Variants in SLC26A9 observed in about 807,000 individuals in gnomAD.
The protein encoded by SLC26A9 is anion transporter/exchanger protein 9.
In SLC26A9, 46 loss-of-function variants were observed where a neutral mutation model predicts 87.1. The observed-to-expected ratio is 0.53, with a 90% confidence interval of 0.42 to 0.67. The LOEUF (loss-of-function observed/expected upper bound fraction) is 0.67. SLC26A9 is among the 30% of genes least tolerant of loss of function. SLC26A9 has a pLI of 0.00. For synonymous variants in SLC26A9, 437 were observed against 409.1 expected, an observed-to-expected ratio of 1.07 and a Z score of -0.82; for missense variants, 927 against 1,018.3, an observed-to-expected ratio of 0.91 and a Z score of 1.22.
intron 1 of SLC26A9, among the ~76,000 whole-genome samples, chr1:205,942,500 G>A (rs1255130582): frequency 2.0e-5 from 3 of 152,182 alleles, no homozygotes; most frequent in Non-Finnish European, 2.9e-5. Context: ...AGTGTAAGGG[G>A]GCAGTTGATG....
chr1:205,938,470 A>T (rs923280687), intron 1 of SLC26A9, among the ~76,000 whole-genome samples: 3 of 152,020 alleles, frequency 2.0e-5, no homozygotes, highest in Non-Finnish European at 4.4e-5. Context: ...TTCCAGGAGG[A>T]TGAGGCCCAA....
intron 13 of SLC26A9, 99 bp from the exon 14 acceptor site, chr1:205,923,712 G>A: frequency 7.5e-7 from 1 of 1,330,676 alleles, no homozygotes; most frequent in Non-Finnish European, 1.1e-6. Context: ...AAGGTAGGAT[G>A]GGGTCCTGTC....
intron 6 of SLC26A9, 52 bp downstream of exon 6, chr1:205,929,840 A>C (rs1459861226): frequency 1.2e-5 from 18 of 1,536,982 alleles, no homozygotes; most frequent in Middle Eastern, 3.5e-4. Context: ...CATCCTCCTC[A>C]TGTGTCTGCT....
At chr1:205,919,950 C>A (rs1420678214) in intron 18 of SLC26A9, among the ~76,000 whole-genome samples, 1 of 152,156 alleles carries the variant, frequency 6.6e-6, no homozygotes, top group Non-Finnish European at 1.5e-5. Flanking sequence ...TCTGTAACTC[C>A]ATGACCTCCT....
intron 7 of SLC26A9, 64 bp downstream of exon 7, chr1:205,929,140 G>T: frequency 6.3e-7 from 1 of 1,575,356 alleles, no homozygotes; most frequent in Non-Finnish European, 8.6e-7. Flanking sequence ...GGTGAGGAAA[G>T]GTAGGGGCTT....
At chr1:205,918,432 G>C (rs1454509772) in intron 19 of SLC26A9, among the ~76,000 whole-genome samples, 1 of 152,136 alleles carries the variant, frequency 6.6e-6, no homozygotes, top group Non-Finnish European at 1.5e-5. Context: ...AAAATGGGTA[G>C]GCTTACTCCC....
intron 12 of SLC26A9, among the ~76,000 whole-genome samples, chr1:205,925,884 G>A (rs575361181): frequency 2.0e-5 from 3 of 152,330 alleles, no homozygotes; most frequent in South Asian, 4.1e-4. Flanking sequence ...TATGCCCAGC[G>A]GATGATGCGG....
Position 205,920,175 on chromosome 1 carries a change from C to T in SLC26A9, c.2110+1G>A. On this transcript the variant is annotated splice_donor_variant, in intron 18 of 20. Transcript: ENST00000367135. LOFTEE classifies it high-confidence loss of function. ...GTCCCTAAATGTCCTCTTTCTCTTA[C>T]CATGGATGTTCACCAAGAAGACCTT... is the stretch of plus-strand genomic sequence containing the variant. The T allele has an allele frequency of 6.2e-7, 1 of 1,613,910 alleles. No individual in the cohort carries two copies. The highest frequency in any genetic ancestry group is 8.5e-7 in the Non-Finnish European group (1 of 1,179,816).
At chr1:205,915,876 C>T (rs57455787) in intron 20 of SLC26A9, among the ~76,000 whole-genome samples, 3,057 of 152,286 alleles carry the variant, frequency 0.02, 92 homozygotes, top group African/African-American at 0.07. Context: ...ATCTGTCCCA[C>T]CTGCCATCAG....
At chr1:205,926,161 C>T (rs1558123399) in intron 12 of SLC26A9, among the ~76,000 whole-genome samples, 1 of 151,962 alleles carries the variant, frequency 6.6e-6, no homozygotes, top group African/African-American at 2.4e-5. Context: ...AGCTGTATGT[C>T]ATAAAGTAGT....
In SLC26A9 at chr1:205,924,503, G is replaced by C; in HGVS notation, c.1390-14C>G. ...TACCCAGATGCACTGTGAAAAGAGA[G>C]ATGTCAAAAGCAGACCTGGGGAAAA... On this transcript the variant is annotated splice_polypyrimidine_tract_variant and intron_variant, in intron 12 of 20. Coordinates refer to ENST00000367135, the MANE Select transcript of SLC26A9 (RefSeq NM_052934.4). 1 of 1,613,090 alleles carries C rather than the reference G, an allele frequency of 6.2e-7. No homozygotes were observed. Among genetic ancestry groups the C allele is most frequent in the Non-Finnish European group, 8.5e-7 (1 of 1,179,300 alleles).
chr1:205,928,809 T>G lies in SLC26A9; in HGVS notation c.953+18A>C. 6.2e-7 allele frequency: 1 copy of G among 1,613,880 alleles called. No homozygotes were observed. Among genetic ancestry groups the G allele is most frequent in the Non-Finnish European group, 8.5e-7 (1 of 1,179,768 alleles). ...ATGAGGTGCGGGTGGGCCAGGCTTCTGGGCCACCTGGACTCACCCGCGTTG... is the reference window on the plus strand; with the variant it reads ...ATGAGGTGCGGGTGGGCCAGGCTTCGGGGCCACCTGGACTCACCCGCGTTG... On this transcript the variant is annotated intron_variant, in intron 8 of 20. Transcript: ENST00000367135.
chr1:205,933,562 A>G (rs1219021422), intron 2 of SLC26A9, among the ~76,000 whole-genome samples: 1 of 152,180 alleles, frequency 6.6e-6, no homozygotes, highest in East Asian at 1.9e-4. Context: ...CAAGAAGTCT[A>G]GCTCTCCTGT....
intron 18 of SLC26A9, 145 bp from the exon 19 acceptor site, chr1:205,919,130 G>A: frequency 9.9e-7 from 1 of 1,009,192 alleles, no homozygotes. Flanking sequence ...GGCATTGGCA[G>A]TGCAATATCA....
At chr1:205,928,083 G>T (rs1461718700) in intron 8 of SLC26A9, 34 bp from the exon 9 acceptor site, 5 of 1,602,740 alleles carry the variant, frequency 3.1e-6, no homozygotes, top group Non-Finnish European at 4.3e-6. Flanking sequence ...CAGAACCCAA[G>T]GGTGTGAGTG....
At chr1:205,924,746 CAT>C in intron 12 of SLC26A9, 1 of 434,382 alleles carries the variant, frequency 2.3e-6, no homozygotes, top group Non-Finnish European at 4.2e-6. Context: ...AGGGAGGTGG[CAT>C]CTATAAGAGC....
chr1:205,938,757 C>T (rs537283357), intron 1 of SLC26A9, among the ~76,000 whole-genome samples: 1 of 152,240 alleles, frequency 6.6e-6, no homozygotes, highest in South Asian at 2.1e-4. Context: ...GCCTATGAAG[C>T]CTTTCCTGAC....
chr1:205,918,043 G>T (rs1000714141), intron 19 of SLC26A9, among the ~76,000 whole-genome samples: 6 of 152,212 alleles, frequency 3.9e-5, no homozygotes, highest in African/African-American at 1.4e-4. Flanking sequence ...ACTTAGAACA[G>T]ATGGTTTCAC....
At position 205,924,505 on chromosome 1, in the gene SLC26A9, T is replaced by C. The variant is rs768254607; in HGVS notation, c.1390-16A>G. On this transcript the variant is annotated splice_polypyrimidine_tract_variant and intron_variant, in intron 12 of 20. Coordinates refer to ENST00000367135, the MANE Select transcript of SLC26A9 (RefSeq NM_052934.4). ...CCCAGATGCACTGTGAAAAGAGAGA[T>C]GTCAAAAGCAGACCTGGGGAAAAAA... 2 of 1,612,932 alleles carry C rather than the reference T, an allele frequency of 1.2e-6. No homozygotes were observed. The highest frequency in any genetic ancestry group is 2.2e-5 in the East Asian group (1 of 44,882).
Sources: allele counts gnomAD v4.1 joint callset (sites outside exome capture counted in the v4.1 genomes callset), GRCh38; gene constraint gnomAD v4.1.1; transcripts MANE v1.5; gene names NCBI Gene and HGNC (gene_info 2026-07-23, HGNC 2026-07-21).